The following SLC1A1 variants were observed in gnomAD, a reference collection of about 807,000 sequenced individuals.
The protein encoded by SLC1A1 is solute carrier family 1 member 1, also known as excitatory amino acid transporter 3.
Under a neutral mutation model 53.3 loss-of-function variants are expected in SLC1A1, and 43 were observed. That is an observed-to-expected ratio of 0.81 (90% CI 0.63 to 1.04). SLC1A1 has a LOEUF of 1.04. SLC1A1 is among the 50% of genes least tolerant of loss of function. SLC1A1 has a pLI of 0.00. For synonymous variants in SLC1A1, 307 were observed against 243.2 expected, an observed-to-expected ratio of 1.26 and a Z score of -2.44; for missense variants, 748 against 664.9, an observed-to-expected ratio of 1.12 and a Z score of -1.37.
At chr9:4,521,207 TA>T (rs1284716801) in intron 1 of SLC1A1, among the ~76,000 whole-genome samples, 1 of 152,244 alleles carries the variant, frequency 6.6e-6, no homozygotes, top group African/African-American at 2.4e-5. Context: ...CTTTTTTGAA[TA>T]AATTGCAAAG....
At position 4,585,831 on chromosome 9, in the gene SLC1A1, T is replaced by C; in HGVS notation, c.*273T>C. 1 of 462,464 alleles carries C rather than the reference T, an allele frequency of 2.2e-6. No homozygotes were observed. Among genetic ancestry groups the C allele is most frequent in the East Asian group, 4.2e-5 (1 of 23,934 alleles). The allele number at this position is 462,464 out of a possible 1,614,324, so 28.6% of individuals were successfully genotyped here. A position where few individuals can be genotyped will look rare whatever the true frequency, so the allele number is the denominator to read the frequency against. On this transcript the variant is annotated 3_prime_UTR_variant, in exon 12 of 12. Transcript: ENST00000262352. ...ATAAGAGACAAAGTTTGGAAGTACATAAAGTAATAACTGTTAGAATTAGGT... is the reference window on the plus strand; with the variant it reads ...ATAAGAGACAAAGTTTGGAAGTACACAAAGTAATAACTGTTAGAATTAGGT...
At position 4,583,474 on chromosome 9, in the gene SLC1A1, C is replaced by T. The variant is rs1311589205; in HGVS notation, c.1328+302C>T. On this transcript the variant is annotated intron_variant, in intron 11 of 11. Transcript: ENST00000262352. The surrounding 1 kb of genome is among the most constrained non-coding windows in gnomAD (Gnocchi z 4.6). ...GAACAAGGTGAGAAGCCAGGCAGGG[C>T]CCCAGAGCCATCCTGACCTATCCCA... Among the ~76,000 whole-genome samples, 1 of 152,164 alleles carries T rather than the reference C, an allele frequency of 6.6e-6. No individual in the cohort carries two copies. The highest frequency in any genetic ancestry group is 1.5e-5 in the Non-Finnish European group (1 of 68,030).
chr9:4,520,873 T>C (rs946000595), intron 1 of SLC1A1, among the ~76,000 whole-genome samples: 4 of 152,222 alleles, frequency 2.6e-5, no homozygotes, highest in African/African-American at 9.6e-5. Flanking sequence ...CATTTTACAT[T>C]CTCACCAAAA....
chr9:4,522,850 C>T (rs900816905), intron 1 of SLC1A1, among the ~76,000 whole-genome samples: 2 of 152,162 alleles, frequency 1.3e-5, no homozygotes, highest in African/African-American at 2.4e-5. Context: ...CAGGTCACCT[C>T]CCTTGACACA....
At chr9:4,564,317 C>T (rs202045339) in intron 3 of SLC1A1, 27 bp from the exon 4 acceptor site, 1 of 1,508,228 alleles carries the variant, frequency 6.6e-7, no homozygotes, top group Non-Finnish European at 9.2e-7. Flanking sequence ...GTTCCTAATG[C>T]TCTGTGGACG....
At chr9:4,562,560 C>G (rs1000373741) in intron 3 of SLC1A1, among the ~76,000 whole-genome samples, 2 of 152,198 alleles carry the variant, frequency 1.3e-5, no homozygotes, top group African/African-American at 4.8e-5. Context: ...GGAGGAGCTG[C>G]TCTTATACCC....
At chr9:4,544,916 G>A (rs1336752536) in intron 2 of SLC1A1, among the ~76,000 whole-genome samples, 1 of 152,218 alleles carries the variant, frequency 6.6e-6, no homozygotes, top group Non-Finnish European at 1.5e-5. Flanking sequence ...AAGGAGAAAG[G>A]CTGGGCGAAG....
At chr9:4,582,264 C>T (rs1348643630) in intron 10 of SLC1A1, among the ~76,000 whole-genome samples, 2 of 152,270 alleles carry the variant, frequency 1.3e-5, no homozygotes, top group African/African-American at 4.8e-5. Flanking sequence ...TTTTTAAATA[C>T]CTGGTAATAA....
At chr9:4,576,813 C>G (rs1820589296) in intron 10 of SLC1A1, 50 bp downstream of exon 10, 1 of 1,536,004 alleles carries the variant, frequency 6.5e-7, no homozygotes, top group Non-Finnish European at 9.0e-7. Flanking sequence ...GGGATTACCG[C>G]CAGTAAAAAT....
chr9:4,576,816 G>A (rs1820590012), intron 10 of SLC1A1, 53 bp downstream of exon 10: 3 of 1,522,354 alleles, frequency 2.0e-6, no homozygotes, highest in African/African-American at 1.4e-5. Context: ...ATTACCGCCA[G>A]TAAAAATTGT....
At chr9:4,496,227 A>G (rs573309712) in intron 1 of SLC1A1, among the ~76,000 whole-genome samples, 1 of 152,142 alleles carries the variant, frequency 6.6e-6, no homozygotes, top group African/African-American at 2.4e-5. Context: ...GTGATGGGTG[A>G]GAGGCTCGGG....
intron 1 of SLC1A1, among the ~76,000 whole-genome samples, chr9:4,500,877 C>T (rs1355531220): frequency 2.0e-5 from 3 of 152,202 alleles, no homozygotes; most frequent in Admixed American, 6.5e-5. Flanking sequence ...CAGATCTCAT[C>T]CCAGCTCACA....
chr9:4,504,647 A>G (rs1239548409), intron 1 of SLC1A1, among the ~76,000 whole-genome samples: 1 of 152,236 alleles, frequency 6.6e-6, no homozygotes, highest in Non-Finnish European at 1.5e-5. Flanking sequence ...TGATGGAGAT[A>G]AAGATCTTGT....
chr9:4,549,847 G>T lies in SLC1A1; in HGVS notation c.232+5140G>T, dbSNP rs1335822039. Among the ~76,000 whole-genome samples, 1 of 152,168 alleles carries T rather than the reference G, an allele frequency of 6.6e-6. No individual in the cohort carries two copies. The highest frequency in any genetic ancestry group is 1.5e-5 in the Non-Finnish European group (1 of 68,024). On this transcript the variant is annotated intron_variant, in intron 2 of 11. Transcript: ENST00000262352. The surrounding 1 kb of genome is among the most constrained non-coding windows in gnomAD (Gnocchi z 4.1). Reference sequence around the variant, plus strand: ...GAACCTGGGAGTCTGTCCAGGTCAGGCTGGGCCAAGTCCATGCCAGTTCCT... The same window carrying T: ...GAACCTGGGAGTCTGTCCAGGTCAGTCTGGGCCAAGTCCATGCCAGTTCCT...
intron 2 of SLC1A1, chr9:4,554,406 T>A (rs957080766): frequency 1.3e-5 from 2 of 152,194 alleles, no homozygotes; most frequent in African/African-American, 4.8e-5. Flanking sequence ...GAAAGAGATA[T>A]AAAATAATGA....
chr9:4,539,692 C>T (rs998566660), intron 1 of SLC1A1, among the ~76,000 whole-genome samples: 4 of 152,248 alleles, frequency 2.6e-5, no homozygotes, highest in East Asian at 1.9e-4. Context: ...CTGCCTCAGC[C>T]TCCTGAGTAG....
intron 11 of SLC1A1, 56 bp from the exon 12 acceptor site, chr9:4,585,256 T>A (rs1459307605): frequency 1.2e-6 from 2 of 1,607,674 alleles, no homozygotes; most frequent in Non-Finnish European, 1.7e-6. Flanking sequence ...ATCTCTCCAG[T>A]GATGAAGGAA....
chr9:4,504,072 C>G (rs979938997), intron 1 of SLC1A1, among the ~76,000 whole-genome samples: 2 of 151,806 alleles, frequency 1.3e-5, no homozygotes, highest in African/African-American at 2.4e-5. Context: ...GACCCTGAAG[C>G]TCCCAGACTG....
chr9:4,536,932 C>G (rs1586725003), intron 1 of SLC1A1, among the ~76,000 whole-genome samples: 1 of 151,982 alleles, frequency 6.6e-6, no homozygotes, highest in East Asian at 1.9e-4. Flanking sequence ...TCTCAGCAAA[C>G]TATTGCAAGG....
Sources: allele counts gnomAD v4.1 joint callset (sites outside exome capture counted in the v4.1 genomes callset), GRCh38; gene constraint gnomAD v4.1.1; non-coding constraint Gnocchi (gnomAD v3.1); transcripts MANE v1.5; gene names NCBI Gene and HGNC (gene_info 2026-07-23, HGNC 2026-07-21).